PPP1R14C: variants seen among roughly 807,000 people sequenced by gnomAD.
PPP1R14C encodes the protein protein phosphatase 1 regulatory subunit 14C.
In PPP1R14C, 16 loss-of-function variants were observed where a neutral mutation model predicts 20.4. The ratio of observed to expected loss-of-function variants is 0.78; its 90% CI spans 0.53 to 1.19. The LOEUF (loss-of-function observed/expected upper bound fraction) is 1.19, where lower values mean the gene tolerates loss of function less well. PPP1R14C is among the 50% of genes most tolerant of loss of function. PPP1R14C has a pLI of 0.00. For synonymous variants in PPP1R14C, 91 were observed against 91.0 expected (o/e 1.00, Z 0.00); for missense variants, 211 against 220.1 (o/e 0.96, Z 0.26).
In PPP1R14C at chr6:150,145,852, G is replaced by A. The variant is rs78660195; in HGVS notation, c.306+2354G>A. 7.4e-4 allele frequency among the ~76,000 whole-genome samples: 113 copies of A among 152,304 alleles called. 2 individuals are homozygous for A. In the East Asian group the frequency reaches 0.021, roughly 28 times the overall value. On this transcript the variant is annotated intron_variant, in intron 1 of 3. Transcript: ENST00000361131. ...AAGGCTTGAGTTATCTGCTGAGTTG[G>A]GGTAGAATATGAACACATCTTTAAT... is the stretch of plus-strand genomic sequence containing the variant.
chr6:150,177,148 C>T (rs988904234), intron 1 of PPP1R14C, among the ~76,000 whole-genome samples: 4 of 152,172 alleles, frequency 2.6e-5, no homozygotes, highest in African/African-American at 4.8e-5. Context: ...GGGCACAATT[C>T]AGCCAGTCTC....
chr6:150,160,288 G>A (rs144744482), intron 1 of PPP1R14C, among the ~76,000 whole-genome samples: 18,373 of 127,110 alleles, frequency 0.14, 1,788 homozygotes, highest in East Asian at 0.51. Flanking sequence ...TTTTTGAGAC[G>A]GAGTCTTGCT....
chr6:150,219,043 C>G (rs1330664317), intron 3 of PPP1R14C, among the ~76,000 whole-genome samples: 1 of 151,884 alleles, frequency 6.6e-6, no homozygotes, highest in Non-Finnish European at 1.5e-5. Flanking sequence ...TCTCTCCACA[C>G]AATTCCTTTT....
At chr6:150,183,145 A>T (rs1344352617) in intron 1 of PPP1R14C, among the ~76,000 whole-genome samples, 1 of 151,806 alleles carries the variant, frequency 6.6e-6, no homozygotes, top group Non-Finnish European at 1.5e-5. Context: ...TCTATCTTTC[A>T]TGATTGCTAT....
intron 1 of PPP1R14C, among the ~76,000 whole-genome samples, chr6:150,211,887 G>C (rs1778027849): frequency 6.6e-6 from 1 of 152,186 alleles, no homozygotes; most frequent in Admixed American, 6.5e-5. Flanking sequence ...GCATAGGTTG[G>C]TAAAAAGCGC....
intron 3 of PPP1R14C, among the ~76,000 whole-genome samples, chr6:150,233,375 T>C (rs1348329835): frequency 6.6e-6 from 1 of 152,198 alleles, no homozygotes; most frequent in South Asian, 2.1e-4. Flanking sequence ...GGCTAATTGA[T>C]ATACACGAGA....
intron 3 of PPP1R14C, among the ~76,000 whole-genome samples, chr6:150,225,141 T>C (rs1007920334): frequency 3.3e-5 from 5 of 152,070 alleles, no homozygotes; most frequent in African/African-American, 1.2e-4. Context: ...TAAATAAACT[T>C]TTAGACTTTG....
chr6:150,158,977 G>A (rs1433307123), intron 1 of PPP1R14C, among the ~76,000 whole-genome samples: 2 of 152,144 alleles, frequency 1.3e-5, no homozygotes, highest in Non-Finnish European at 2.9e-5. Context: ...GATAGAACAC[G>A]TAACACTTTG....
At chr6:150,216,768 A>C in intron 2 of PPP1R14C, 56 bp from the exon 3 acceptor site, 1 of 1,247,646 alleles carries the variant, frequency 8.0e-7, no homozygotes, top group Non-Finnish European at 1.1e-6. Context: ...TTTTGCCTTA[A>C]AAATAATGCT....
chr6:150,155,735 C>A (rs2114854865), intron 1 of PPP1R14C, among the ~76,000 whole-genome samples: 1 of 152,072 alleles, frequency 6.6e-6, no homozygotes, highest in Non-Finnish European at 1.5e-5. Context: ...AAGAAAAATG[C>A]AAATCCTGGC....
At position 150,213,083 on chromosome 6, in the gene PPP1R14C, C is replaced by T. The variant is rs910654685; in HGVS notation, c.307-1661C>T. Among the ~76,000 whole-genome samples the T allele has an allele frequency of 2.6e-5, 4 of 151,564 alleles. No individual in the cohort carries two copies. In the East Asian group the frequency reaches 7.7e-4, roughly 29 times the overall value. On this transcript the variant is annotated intron_variant, in intron 1 of 3. Coordinates refer to ENST00000361131, the MANE Select transcript of PPP1R14C (RefSeq NM_030949.3). ...TTATGTCGAGGAGTACAAAATCTTT[C>T]TTCCATTAGGCAGAACCGCACAGAT...
At chr6:150,193,192 G>A (rs1300205443) in intron 1 of PPP1R14C, among the ~76,000 whole-genome samples, 2 of 151,956 alleles carry the variant, frequency 1.3e-5, no homozygotes, top group South Asian at 2.1e-4. Context: ...CCAAATCACC[G>A]AGGGAGCTTT....
At chr6:150,248,302 G>A (rs1358728212) in intron 3 of PPP1R14C, among the ~76,000 whole-genome samples, 1 of 152,168 alleles carries the variant, frequency 6.6e-6, no homozygotes, top group Non-Finnish European at 1.5e-5. Flanking sequence ...AGGCACACTA[G>A]TCCAGCCTTG....
At chr6:150,235,729 T>C (rs937489708) in intron 3 of PPP1R14C, among the ~76,000 whole-genome samples, 1 of 152,146 alleles carries the variant, frequency 6.6e-6, no homozygotes, top group African/African-American at 2.4e-5. Context: ...TTTGCCTCCT[T>C]CTTAAATTCT....
chr6:150,195,968 C>T (rs1777799380), intron 1 of PPP1R14C: 7 of 985,438 alleles, frequency 7.1e-6, no homozygotes, highest in Non-Finnish European at 8.4e-6. Flanking sequence ...TGAAGACCTG[C>T]CACTCTGCAG....
In PPP1R14C at chr6:150,143,693, T is replaced by G. The variant is rs1777150184; in HGVS notation, c.306+195T>G. On this transcript the variant is annotated intron_variant, in intron 1 of 3. Coordinates refer to ENST00000361131, the MANE Select transcript of PPP1R14C (RefSeq NM_030949.3). This position sits in a 1 kb window ranked among gnomAD's most constrained non-coding sequence, Gnocchi z 5.6. Reference sequence around the variant, plus strand: ...GGGCTCAGCGGTTGGGACGCCCCTGTCTGGGTTCGGCTGCCGGTGCCCGGG... The same window carrying G: ...GGGCTCAGCGGTTGGGACGCCCCTGGCTGGGTTCGGCTGCCGGTGCCCGGG... Among the ~76,000 whole-genome samples the G allele has an allele frequency of 6.6e-6, 1 of 152,184 alleles. No homozygotes were observed.
At chr6:150,168,422 A>G (rs1451497749) in intron 1 of PPP1R14C, among the ~76,000 whole-genome samples, 2 of 151,958 alleles carry the variant, frequency 1.3e-5, no homozygotes, top group Non-Finnish European at 2.9e-5. Context: ...AGTCCCAGCT[A>G]CTTGGGAGGC....
In PPP1R14C at chr6:150,185,841, G is replaced by T. The variant is rs981379842; in HGVS notation, c.307-28903G>T. 2.0e-5 allele frequency among the ~76,000 whole-genome samples: 3 copies of T among 152,152 alleles called. No individual in the cohort carries two copies. Among genetic ancestry groups the T allele is most frequent in the African/African-American group, 7.2e-5 (3 of 41,444 alleles). ...TCACCATCACTCAGGGACCTAGGCT[G>T]CTGAGGCTCTGTGTAGACACATGTG... is the stretch of plus-strand genomic sequence containing the variant. On this transcript the variant is annotated intron_variant, in intron 1 of 3. Transcript: ENST00000361131. This position sits in a 1 kb window ranked among gnomAD's most constrained non-coding sequence, Gnocchi z 4.1.
At chr6:150,203,493 G>A (rs899194082) in intron 1 of PPP1R14C, among the ~76,000 whole-genome samples, 3 of 152,132 alleles carry the variant, frequency 2.0e-5, no homozygotes, top group East Asian at 3.9e-4. Context: ...TCTTCCAAGC[G>A]GCTTTTCCGT....
Sources: allele counts gnomAD v4.1 joint callset (sites outside exome capture counted in the v4.1 genomes callset), GRCh38; gene constraint gnomAD v4.1.1; non-coding constraint Gnocchi (gnomAD v3.1); transcripts MANE v1.5; gene names NCBI Gene and HGNC (gene_info 2026-07-23, HGNC 2026-07-21).